The following DOCK5 variants were observed in gnomAD, a reference collection of about 807,000 sequenced individuals.
DOCK5 encodes dedicator of cytokinesis protein 5.
Under a neutral mutation model 251.8 loss-of-function variants are expected in DOCK5, and 142 were observed. The ratio of observed to expected loss-of-function variants is 0.56; its 90% confidence interval spans 0.49 to 0.65. The LOEUF is 0.65. Among genes scored for constraint, DOCK5 ranks in the 30% least tolerant of loss-of-function variants. DOCK5 has a pLI of 0.00. For synonymous variants in DOCK5, 842 were observed against 835.5 expected, an observed-to-expected ratio of 1.01 and a Z score of -0.13; for missense variants, 2,111 against 2,312.3, an observed-to-expected ratio of 0.91 and a Z score of 1.79.
intron 1 of DOCK5, among the ~76,000 whole-genome samples, chr8:25,209,850 G>C (rs1478200940): frequency 1.5e-5 from 1 of 65,530 alleles, no homozygotes; most frequent in African/African-American, 3.5e-5. Flanking sequence ...CAACATGGGA[G>C]CCTCCTGTGT....
chr8:25,198,786 C>T (rs1184105838), intron 1 of DOCK5, among the ~76,000 whole-genome samples: 1 of 152,146 alleles, frequency 6.6e-6, no homozygotes, highest in East Asian at 1.9e-4. Flanking sequence ...TTTGTTTCAA[C>T]TTGCTGTCTA....
At chr8:25,375,420 TA>T in intron 37 of DOCK5, 1 of 152,814 alleles carries the variant, frequency 6.5e-6, no homozygotes, top group Admixed American at 6.6e-5. Flanking sequence ...TTTTTTTTTT[TA>T]AAGAGATGAG....
intron 2 of DOCK5, among the ~76,000 whole-genome samples, chr8:25,267,632 T>G (rs982983562): frequency 1.3e-5 from 2 of 152,172 alleles, no homozygotes; most frequent in African/African-American, 4.8e-5. Context: ...TGGCAAAAAC[T>G]GCAGTTTCTT....
chr8:25,285,228 C>T (rs368386861), intron 5 of DOCK5, among the ~76,000 whole-genome samples: 23 of 152,250 alleles, frequency 1.5e-4, no homozygotes, highest in South Asian at 1.0e-3. Context: ...GCACTGCAAC[C>T]TCTGCCTCCA....
At chr8:25,283,691 C>T (rs944787049) in intron 5 of DOCK5, among the ~76,000 whole-genome samples, 4 of 152,154 alleles carry the variant, frequency 2.6e-5, no homozygotes, top group Non-Finnish European at 1.5e-5. Flanking sequence ...TATCCAAGGT[C>T]GCTTCCTTTG....
intron 1 of DOCK5, among the ~76,000 whole-genome samples, chr8:25,224,496 AT>A (rs1802477769): frequency 6.6e-6 from 1 of 152,210 alleles, no homozygotes; most frequent in Non-Finnish European, 1.5e-5. Flanking sequence ...ACATTCTTAT[AT>A]CCATGAGAAA....
At chr8:25,257,283 T>C (rs75788920) in intron 2 of DOCK5, among the ~76,000 whole-genome samples, 8,967 of 152,202 alleles carry the variant, frequency 0.059, 306 homozygotes, top group East Asian at 0.11. Flanking sequence ...CGGCCTTTCA[T>C]GTACTGCCTC....
intron 16 of DOCK5, among the ~76,000 whole-genome samples, chr8:25,322,239 G>C (rs118189417): frequency 6.6e-6 from 1 of 152,166 alleles, no homozygotes; most frequent in African/African-American, 2.4e-5. Context: ...GAAGATGAAC[G>C]AAAAAGTGGG....
At chr8:25,225,322 A>G (rs1031682314) in intron 1 of DOCK5, among the ~76,000 whole-genome samples, 4 of 152,226 alleles carry the variant, frequency 2.6e-5, no homozygotes, top group African/African-American at 9.6e-5. Context: ...ACCATTCACA[A>G]TAGCAAAACA....
chr8:25,403,247 A>G (rs1801468019), intron 47 of DOCK5, among the ~76,000 whole-genome samples: 3 of 152,162 alleles, frequency 2.0e-5, no homozygotes, highest in South Asian at 4.1e-4. Context: ...AGGTTTTGCT[A>G]TTTATTGGAG....
chr8:25,322,166 C>T lies in DOCK5; in HGVS notation c.1615+1114C>T, dbSNP rs192041141. On this transcript the variant is annotated intron_variant, in intron 16 of 51. Transcript: ENST00000276440. Reference sequence around the variant, plus strand: ...CACCATCTACACAACAGGCTGCAGGCGAGGCCCTGGTCTATGACAGCCAGC... The same window carrying T: ...CACCATCTACACAACAGGCTGCAGGTGAGGCCCTGGTCTATGACAGCCAGC... Among the ~76,000 whole-genome samples the T allele has an allele frequency of 8.5e-5, 13 of 152,328 alleles. No individual in the cohort carries two copies. The East Asian group carries it at 1.7e-3, about 20-fold the overall frequency.
chr8:25,314,410 C>T (rs570107412), intron 13 of DOCK5, among the ~76,000 whole-genome samples: 24 of 151,864 alleles, frequency 1.6e-4, no homozygotes, highest in Non-Finnish European at 3.2e-4. Context: ...TGAGCCACAA[C>T]ACTCAGCCCC....
chr8:25,398,556 C>T (rs1801385147), intron 45 of DOCK5, among the ~76,000 whole-genome samples: 2 of 152,186 alleles, frequency 1.3e-5, no homozygotes, highest in Non-Finnish European at 2.9e-5. Context: ...AGTGTTGGTT[C>T]CTTCCAAGGA....
intron 28 of DOCK5, among the ~76,000 whole-genome samples, chr8:25,362,758 C>T (rs1031587181): frequency 2.6e-5 from 4 of 152,060 alleles, no homozygotes; most frequent in African/African-American, 9.7e-5. Flanking sequence ...CTTTCTATGC[C>T]CTTAAGTGAG....
At chr8:25,407,697 C>G (rs542305340) in intron 48 of DOCK5, among the ~76,000 whole-genome samples, 1 of 151,156 alleles carries the variant, frequency 6.6e-6, no homozygotes, top group Non-Finnish European at 1.5e-5. Context: ...CAGTTTGAGA[C>G]CAGCCTGGGC....
At chr8:25,262,477 A>T (rs1317985433) in intron 2 of DOCK5, among the ~76,000 whole-genome samples, 1 of 152,106 alleles carries the variant, frequency 6.6e-6, no homozygotes, top group African/African-American at 2.4e-5. Context: ...TGTGTTTTGT[A>T]TCCCTATAAT....
chr8:25,384,464 T>TTTTA (rs1554504701), intron 40 of DOCK5, among the ~76,000 whole-genome samples: 9 of 81,204 alleles, frequency 1.1e-4, no homozygotes, highest in Non-Finnish European at 1.8e-4. Context: ...TATTTATTTA[T>TTTTA]TTTTTTTTTT....
intron 5 of DOCK5, among the ~76,000 whole-genome samples, chr8:25,289,391 A>T (rs1317831862): frequency 6.6e-6 from 1 of 151,520 alleles, no homozygotes; most frequent in Non-Finnish European, 1.5e-5. Flanking sequence ...GACTCAAGTG[A>T]TCCTCTTGCC....
At chr8:25,396,216 C>T (rs1045743160) in intron 45 of DOCK5, among the ~76,000 whole-genome samples, 7 of 152,160 alleles carry the variant, frequency 4.6e-5, no homozygotes, top group African/African-American at 1.7e-4. Context: ...CGCGTCTCTA[C>T]TAAAAATACA....
Sources: gnomAD v4.1 joint callset for allele counts (sites outside exome capture counted in the v4.1 genomes callset) on GRCh38, gnomAD v4.1.1 for gene constraint, MANE v1.5 for transcripts, NCBI Gene and HGNC (gene_info 2026-07-23, HGNC 2026-07-21) for gene names.